The following DPP10 variants were observed in gnomAD, a reference collection of about 807,000 sequenced individuals.
The protein encoded by DPP10 is inactive dipeptidyl peptidase 10.
In DPP10, 33 loss-of-function variants were observed where a neutral mutation model predicts 120.9. The ratio of observed to expected loss-of-function variants is 0.27; its 90% CI spans 0.21 to 0.37. The LOEUF is 0.37. Among genes scored for constraint, DPP10 ranks in the 10% least tolerant of loss-of-function variants. The pLI is 1.00. For synonymous variants in DPP10, 337 were observed against 326.1 expected (o/e 1.03, Z -0.36); for missense variants, 816 against 942.8 (o/e 0.87, Z 1.76).
At chr2:115,232,237 T>C (rs2057769655) in intron 1 of DPP10, among the ~76,000 whole-genome samples, 1 of 152,062 alleles carries the variant, frequency 6.6e-6, no homozygotes, top group Admixed American at 6.6e-5. Context: ...AGAGGAAGCA[T>C]TAAAAGTGTG....
chr2:115,158,876 CATT>C (rs1254271538), intron 1 of DPP10, among the ~76,000 whole-genome samples: 1 of 151,838 alleles, frequency 6.6e-6, no homozygotes, highest in African/African-American at 2.4e-5. Context: ...CAGATTTAAA[CATT>C]ATCAAGACAA....
intron 1 of DPP10, among the ~76,000 whole-genome samples, chr2:114,656,906 AAG>A: frequency 6.6e-6 from 1 of 152,290 alleles, no homozygotes; most frequent in Non-Finnish European, 1.5e-5. Flanking sequence ...AAACCAAGTT[AAG>A]AGAAAAGGAA....
intron 1 of DPP10, among the ~76,000 whole-genome samples, chr2:114,858,331 G>T (rs1370420036): frequency 6.6e-6 from 1 of 152,162 alleles, no homozygotes; most frequent in South Asian, 2.1e-4. Flanking sequence ...TATATAGAGT[G>T]AGGGTAAGGA....
chr2:114,584,563 A>G (rs1446179777), intron 1 of DPP10, among the ~76,000 whole-genome samples: 2 of 105,714 alleles, frequency 1.9e-5, no homozygotes, highest in Non-Finnish European at 3.5e-5. Flanking sequence ...ACCCCACAAC[A>G]GGCCCCAGAG....
At chr2:115,112,267 G>A (rs993815013) in intron 1 of DPP10, among the ~76,000 whole-genome samples, 3 of 151,106 alleles carry the variant, frequency 2.0e-5, no homozygotes, top group African/African-American at 7.3e-5. Flanking sequence ...TTGTTTCCTG[G>A]GACATTTTCT....
chr2:114,842,697 A>G (rs948337618), intron 1 of DPP10, among the ~76,000 whole-genome samples: 3 of 152,146 alleles, frequency 2.0e-5, no homozygotes, highest in African/African-American at 7.2e-5. Flanking sequence ...GTTATCATGT[A>G]TTTTATTCAC....
chr2:115,217,854 T>C (rs922892566), intron 1 of DPP10, among the ~76,000 whole-genome samples: 4 of 152,188 alleles, frequency 2.6e-5, no homozygotes, highest in Admixed American at 2.6e-4. Flanking sequence ...CTTACTTGTC[T>C]GATTCACTTA....
At chr2:114,664,859 GC>G (rs1362321428) in intron 1 of DPP10, among the ~76,000 whole-genome samples, 1 of 150,830 alleles carries the variant, frequency 6.6e-6, no homozygotes, top group Non-Finnish European at 1.5e-5. Flanking sequence ...ATGGGATAGA[GC>G]ATCCAAAAGA....
chr2:115,386,735 G>A (rs2066964008), intron 3 of DPP10, among the ~76,000 whole-genome samples: 2 of 152,032 alleles, frequency 1.3e-5, no homozygotes, highest in African/African-American at 4.8e-5. Context: ...AAGGACAGAG[G>A]TTTTCCTTAA....
chr2:115,375,624 G>T (rs998164747), intron 3 of DPP10, among the ~76,000 whole-genome samples: 2 of 152,146 alleles, frequency 1.3e-5, no homozygotes, highest in Admixed American at 1.3e-4. Flanking sequence ...TTCTCACACT[G>T]CTATAAAGAT....
intron 1 of DPP10, among the ~76,000 whole-genome samples, chr2:114,717,600 T>A (rs758933364): frequency 3.0e-4 from 46 of 152,318 alleles, no homozygotes; most frequent in Non-Finnish European, 5.6e-4. Context: ...GTTTGCTAGA[T>A]TATATTCTTG....
chr2:115,721,143 C>T (rs1280755453), intron 7 of DPP10, among the ~76,000 whole-genome samples: 1 of 152,176 alleles, frequency 6.6e-6, no homozygotes, highest in East Asian at 1.9e-4. Flanking sequence ...ACATTTAAGA[C>T]ATATGTTAGG....
At chr2:115,598,621 A>C (rs778452273) in intron 5 of DPP10, among the ~76,000 whole-genome samples, 1 of 152,002 alleles carries the variant, frequency 6.6e-6, no homozygotes, top group African/African-American at 2.4e-5. Context: ...ATTAATATAC[A>C]CACAGATTAA....
intron 1 of DPP10, among the ~76,000 whole-genome samples, chr2:114,487,818 A>T (rs1232368869): frequency 1.3e-5 from 2 of 152,224 alleles, no homozygotes; most frequent in African/African-American, 4.8e-5. Flanking sequence ...TATCTTCTAA[A>T]TATCAATATC....
At chr2:114,812,677 A>C (rs891470953) in intron 1 of DPP10, among the ~76,000 whole-genome samples, 1 of 151,112 alleles carries the variant, frequency 6.6e-6, no homozygotes, top group South Asian at 2.1e-4. Context: ...CTGTATCTCT[A>C]CAGCTTCCTC....
chr2:114,798,546 A>C (rs1302049468), intron 1 of DPP10, among the ~76,000 whole-genome samples: 3 of 152,156 alleles, frequency 2.0e-5, no homozygotes, highest in Non-Finnish European at 4.4e-5. Context: ...GCTCTCAGGC[A>C]CTGAAGGCTG....
intron 5 of DPP10, among the ~76,000 whole-genome samples, chr2:115,631,292 G>A (rs60980305): frequency 1.3e-5 from 2 of 151,626 alleles, no homozygotes; most frequent in African/African-American, 4.8e-5. Context: ...TTTTTATTGT[G>A]TCTATATGAT....
chr2:114,707,867 T>C (rs1461912327), intron 1 of DPP10, among the ~76,000 whole-genome samples: 2 of 152,196 alleles, frequency 1.3e-5, no homozygotes, highest in Admixed American at 1.3e-4. Flanking sequence ...GTGTCAGTTA[T>C]GGAAAGGGGA....
At chr2:114,830,618 T>C (rs951735392) in intron 1 of DPP10, among the ~76,000 whole-genome samples, 1 of 152,222 alleles carries the variant, frequency 6.6e-6, no homozygotes, top group Non-Finnish European at 1.5e-5. Context: ...AACTGTTGAA[T>C]GAAATTTTCA....
Sources: allele counts gnomAD v4.1 joint callset (sites outside exome capture counted in the v4.1 genomes callset), GRCh38; gene constraint gnomAD v4.1.1; transcripts MANE v1.5; gene names NCBI Gene and HGNC (gene_info 2026-07-23, HGNC 2026-07-21).